ATP1B4: variants seen among roughly 807,000 people sequenced by gnomAD.
The protein encoded by ATP1B4 is ATPase Na+/K+ transporting family member beta 4.
A neutral mutation model predicts 29.6 loss-of-function variants in ATP1B4; 32 were observed. The ratio of observed to expected loss-of-function variants is 1.08; its 90% CI spans 0.82 to 1.45. ATP1B4 has a LOEUF of 1.45. ATP1B4 is among the 40% of genes most tolerant of loss of function. ATP1B4 has a pLI of 0.00. For missense variants in ATP1B4, 323 were observed against 276.2 expected, an observed-to-expected ratio of 1.17 and a Z score of -1.20; for synonymous variants, 127 against 102.1, an observed-to-expected ratio of 1.24 and a Z score of -1.47.
chrX:120,366,379 CT>C (rs1294293487), intron 1 of ATP1B4, 145 bp from the exon 2 acceptor site: 2 of 658,520 alleles, frequency 3.0e-6, no homozygotes, highest in South Asian at 3.4e-5. Flanking sequence ...GAAAATCCAC[CT>C]CTTGTAACAA....
chrX:120,378,276 A>G (rs771982649), intron 6 of ATP1B4, among the ~76,000 whole-genome samples: 17 of 111,663 alleles, frequency 1.5e-4, no homozygotes, highest in Non-Finnish European at 3.0e-4. Flanking sequence ...TCAGCTCCAA[A>G]GTCCAAGACT....
In ATP1B4 at chrX:120,366,727, T is replaced by C. The variant is rs1279914501; in HGVS notation, c.266T>C (p.Met89Thr). Residue 89 changes from methionine (M) to threonine (T), a missense_variant, in exon 2 of 8, where the codon ATG (methionine) becomes ACG (threonine). Physicochemically the swap from Met to Thr is moderately conservative, Grantham distance 81. Coordinates refer to ENST00000218008, the MANE Select transcript of ATP1B4 (RefSeq NM_001142447.3). Reference protein sequence around the residue: ...GNAWWQKLQIMSEYLWDPERR... With the variant: ...GNAWWQKLQITSEYLWDPERR... ...GCCTGGTGGCAGAAATTGCAGATCATGAGTGAATACCTGTGGGATCCAGAG... is the reference window on the plus strand; with the variant it reads ...GCCTGGTGGCAGAAATTGCAGATCACGAGTGAATACCTGTGGGATCCAGAG... 1 of 1,209,816 alleles carries C rather than the reference T, an allele frequency of 8.3e-7. No homozygotes were observed. Among genetic ancestry groups the C allele is most frequent in the African/African-American group, 1.8e-5 (1 of 57,068 alleles).
At chrX:120,367,772 G>A (rs1414221659) in intron 2 of ATP1B4, among the ~76,000 whole-genome samples, 1 of 111,683 alleles carries the variant, frequency 9.0e-6, no homozygotes. Context: ...CAAAGTTAAT[G>A]TTGCTAATTC....
intron 5 of ATP1B4, among the ~76,000 whole-genome samples, chrX:120,375,871 G>C (rs765763463): frequency 2.7e-5 from 3 of 110,661 alleles, no homozygotes; most frequent in Non-Finnish European, 3.8e-5. Flanking sequence ...GGGAGGCTGA[G>C]GAAGGAGGGT....
intron 4 of ATP1B4, among the ~76,000 whole-genome samples, chrX:120,372,835 C>T (rs913385142): frequency 8.9e-6 from 1 of 112,032 alleles, no homozygotes; most frequent in East Asian, 2.8e-4. Context: ...ACCAGTGAAA[C>T]GAGGGGAGAC....
chrX:120,364,581 G>C (rs2058276477), intron 1 of ATP1B4, among the ~76,000 whole-genome samples: 1 of 112,113 alleles, frequency 8.9e-6, no homozygotes, highest in Non-Finnish European at 1.9e-5. Flanking sequence ...GTGTGCATAG[G>C]TTCACACACA....
chrX:120,373,656 CAAAT>C (rs2058325255), intron 4 of ATP1B4, among the ~76,000 whole-genome samples: 1 of 112,246 alleles, frequency 8.9e-6, no homozygotes, highest in Admixed American at 9.4e-5. Flanking sequence ...GGTTACCTCA[CAAAT>C]AGCCCTTTTA....
chrX:120,366,234 G>A (rs138004488), intron 1 of ATP1B4, among the ~76,000 whole-genome samples: 47 of 111,709 alleles, frequency 4.2e-4, no homozygotes, highest in Non-Finnish European at 7.2e-4. Context: ...CCAGAACAGA[G>A]TAGTGATATG....
chrX:120,375,617 G>A (rs772787636), intron 5 of ATP1B4, 49 bp downstream of exon 5: 1 of 1,068,155 alleles, frequency 9.4e-7, no homozygotes, highest in Non-Finnish European at 1.3e-6. Context: ...GAACTAGATA[G>A]GAGGGCTCTG....
intron 6 of ATP1B4, 57 bp downstream of exon 6, chrX:120,376,493 G>A (rs367656970): frequency 3.1e-5 from 33 of 1,060,251 alleles, no homozygotes. Flanking sequence ...CAAAAAGGTA[G>A]TCCATCACTT....
In ATP1B4 at chrX:120,371,186, A is replaced by T. The variant is rs2058311647; in HGVS notation, c.538A>T (p.Ile180Phe). ...ACCCGACACTTGGCAGCATTATGTG[A>T]TTAGCCTAAATGGCTTTCTCCAGGG... ...SEPDTWQHYVISLNGFLQGYN... is the reference protein window; with the variant it reads ...SEPDTWQHYVFSLNGFLQGYN... The change falls in exon 4 of 8, where the codon ATT becomes TTT. Residue 180 changes from isoleucine (I) to phenylalanine (F), a missense_variant. Transcript: ENST00000218008. The T allele has an allele frequency of 8.3e-7, 1 of 1,206,159 alleles. No homozygotes were observed. The highest frequency in any genetic ancestry group is 1.1e-6 in the Non-Finnish European group (1 of 891,713).
Position 120,373,969 on chromosome X carries a change from A to G in ATP1B4, c.563-1403A>G, listed in dbSNP as rs139881103. Among the ~76,000 whole-genome samples the G allele has an allele frequency of 1.7e-3, 177 of 106,492 alleles. 1 individual carries two copies. The highest frequency in any genetic ancestry group is 5.8e-3 in the African/African-American group (168 of 28,798). 92.5% of individuals were successfully genotyped at this position (106,492 alleles called of 115,157 possible). On this transcript the variant is annotated intron_variant, in intron 4 of 7. Transcript: ENST00000218008. Reference sequence around the variant, plus strand: ...CCACTTTCCTTCTGTCTCACAACTCATACTTCTCACTCTTACAATCAGGTG... The same window carrying G: ...CCACTTTCCTTCTGTCTCACAACTCGTACTTCTCACTCTTACAATCAGGTG...
chrX:120,378,544 T>C, intron 6 of ATP1B4, 134 bp from the exon 7 acceptor site: 1 of 560,052 alleles, frequency 1.8e-6, no homozygotes, highest in Admixed American at 2.4e-5. Flanking sequence ...TCTGCTCCAT[T>C]CTGCTTTCAT....
chrX:120,375,829 G>T (rs1178005231), intron 5 of ATP1B4, among the ~76,000 whole-genome samples: 1 of 109,994 alleles, frequency 9.1e-6, no homozygotes. Context: ...CTAGTCAAGT[G>T]CAGTGGCTCG....
In ATP1B4 at chrX:120,379,646, G is replaced by A; in HGVS notation, c.*12G>A. On this transcript the variant is annotated 3_prime_UTR_variant, in exon 8 of 8. Coordinates refer to ENST00000218008, the MANE Select transcript of ATP1B4 (RefSeq NM_001142447.3). Reference sequence around the variant, plus strand: ...ACATAGAAACTTAAGAACTTCAGGGGGCCATTCTTACCAGTTCTGTTTCTG... The same window carrying A: ...ACATAGAAACTTAAGAACTTCAGGGAGCCATTCTTACCAGTTCTGTTTCTG... 2 of 1,194,145 alleles carry A rather than the reference G, an allele frequency of 1.7e-6. No homozygotes were observed. The highest frequency in any genetic ancestry group is 2.3e-6 in the Non-Finnish European group (2 of 887,649).
At chrX:120,365,819 T>C (rs1167518759) in intron 1 of ATP1B4, among the ~76,000 whole-genome samples, 1 of 112,331 alleles carries the variant, frequency 8.9e-6, no homozygotes, top group Non-Finnish European at 1.9e-5. Flanking sequence ...ATGTATTACG[T>C]GCCCAGCTTT....
rs773584146 is a variant in ATP1B4, at chrX:120,380,430, A to G, written c.*796A>G. ...TGCTAACAGGATATTGTTCTGGGAT[A>G]GAGATGAAGACCGTCCTTGTGACTT... On this transcript the variant is annotated 3_prime_UTR_variant, in exon 8 of 8. Coordinates refer to ENST00000218008, the MANE Select transcript of ATP1B4 (RefSeq NM_001142447.3). 2 of 112,404 alleles carry G rather than the reference A, an allele frequency of 1.8e-5. No individual in the cohort carries two copies. Among genetic ancestry groups the G allele is most frequent in the East Asian group, 5.5e-4 (2 of 3,609 alleles). 9.3% of individuals were successfully genotyped at this position (112,404 alleles called of 1,213,427 possible).
chrX:120,383,174 G>T lies in ATP1B4; in HGVS notation c.*3540G>T, dbSNP rs1049747848. On this transcript the variant is annotated 3_prime_UTR_variant, in exon 8 of 8. Coordinates refer to ENST00000218008, the MANE Select transcript of ATP1B4 (RefSeq NM_001142447.3). ...GCACCTATTTTCTGGGGATCAACATGTAAAAAAACATTTATATTGTCTTGA... is the reference window on the plus strand; with the variant it reads ...GCACCTATTTTCTGGGGATCAACATTTAAAAAAACATTTATATTGTCTTGA... 9.0e-5 allele frequency: 10 copies of T among 111,656 alleles called. No homozygotes were observed. The highest frequency in any genetic ancestry group is 2.9e-4 in the African/African-American group (9 of 30,817). 9.2% of individuals were successfully genotyped at this position (111,656 alleles called of 1,213,427 possible).
At chrX:120,373,658 A>AAT (rs2058325298) in intron 4 of ATP1B4, among the ~76,000 whole-genome samples, 1 of 112,196 alleles carries the variant, frequency 8.9e-6, no homozygotes, top group Non-Finnish European at 1.9e-5. Flanking sequence ...TTACCTCACA[A>AAT]ATAGCCCTTT....
Sources: allele counts gnomAD v4.1 joint callset (sites outside exome capture counted in the v4.1 genomes callset), GRCh38; gene constraint gnomAD v4.1.1; transcripts MANE v1.5; gene names NCBI Gene and HGNC (gene_info 2026-07-23, HGNC 2026-07-21).